Variants in ELAPOR2 observed in about 807,000 individuals in gnomAD.
The protein encoded by ELAPOR2 is endosome-lysosome associated apoptosis and autophagy regulator family member 2.
ELAPOR2 carries 89 observed loss-of-function variants against 120.7 expected under a neutral mutation model. That is an observed-to-expected ratio of 0.74 (90% confidence interval 0.62 to 0.88). ELAPOR2 has a LOEUF of 0.88. ELAPOR2 is among the 40% of genes least tolerant of loss of function. The pLI is 0.00. For missense variants in ELAPOR2, 1,134 were observed against 1,251.6 expected, an observed-to-expected ratio of 0.91 and a Z score of 1.42; for synonymous variants, 444 against 444.9, an observed-to-expected ratio of 1.00 and a Z score of 0.03.
At chr7:86,998,432 T>C (rs1583971759) in intron 1 of ELAPOR2, among the ~76,000 whole-genome samples, 1 of 152,332 alleles carries the variant, frequency 6.6e-6, no homozygotes, top group East Asian at 1.9e-4. Context: ...TTTAGCTTAA[T>C]GATGGTTATA....
Position 87,042,909 on chromosome 7 carries a change from T to C in ELAPOR2, c.189+16416A>G, listed in dbSNP as rs143786817. ...AGAGAGAGGAATCAAATAGACGCAA[T>C]AAAAAATGATAAAGGGGATATCACC... On this transcript the variant is annotated intron_variant, in intron 1 of 21. Transcript: ENST00000450689. Among the ~76,000 whole-genome samples, 541 of 151,930 alleles carry C rather than the reference T, an allele frequency of 3.6e-3. 7 individuals are homozygous for C. The East Asian group carries it at 0.048, about 14-fold the overall frequency.
chr7:86,945,034 G>A lies in ELAPOR2; in HGVS notation c.519C>T (p.Ile173=), dbSNP rs370833499. Residue 173 remains isoleucine, a synonymous_variant, in exon 4 of 22, where the codon ATC becomes ATT. Coordinates refer to ENST00000450689, the MANE Select transcript of ELAPOR2 (RefSeq NM_001142749.3). The part of the protein sequence containing the change: ...RPDGCNNSSW[I]PRGNYIESNR... ...TAGATTCTATGTAGTTTCCACGAGG[G>A]ATCCAAGAAGAGCTGTGGAAACAAA... The A allele has an allele frequency of 3.9e-6, 6 of 1,548,408 alleles. No individual in the cohort carries two copies. Among genetic ancestry groups the A allele is most frequent in the Non-Finnish European group, 5.2e-6 (6 of 1,146,122 alleles).
At chr7:87,046,087 TA>T (rs939763350) in intron 1 of ELAPOR2, among the ~76,000 whole-genome samples, 2 of 151,970 alleles carry the variant, frequency 1.3e-5, no homozygotes, top group Non-Finnish European at 2.9e-5. Context: ...TTAGGACTGA[TA>T]AAAAAAATTC....
chr7:86,995,619 C>T (rs1289176655), intron 1 of ELAPOR2, among the ~76,000 whole-genome samples: 5 of 152,154 alleles, frequency 3.3e-5, no homozygotes, highest in Admixed American at 3.3e-4. Flanking sequence ...ATTTATTTTC[C>T]TCTTTCAAGT....
At chr7:86,910,949 A>T (rs926510432) in intron 15 of ELAPOR2, among the ~76,000 whole-genome samples, 2 of 152,200 alleles carry the variant, frequency 1.3e-5, no homozygotes, top group Non-Finnish European at 2.9e-5. Flanking sequence ...TTAAATTAAA[A>T]TGTTGAAGCC....
chr7:86,899,985 G>C (rs1788641911), intron 18 of ELAPOR2, among the ~76,000 whole-genome samples: 1 of 151,618 alleles, frequency 6.6e-6, no homozygotes, highest in Admixed American at 6.6e-5. Context: ...TTAGTAAAAA[G>C]CAACTCAAAA....
rs1021431324 is a variant in ELAPOR2, at chr7:86,876,973, G to A, written c.*3498C>T. On this transcript the variant is annotated 3_prime_UTR_variant, in exon 22 of 22. Coordinates refer to ENST00000450689, the MANE Select transcript of ELAPOR2 (RefSeq NM_001142749.3). ...CCCATCCATTTACATTTTGTATGTG[G>A]TTGCTTTCATACTACAATGGCAGAG... 28 of 152,106 alleles carry A rather than the reference G, an allele frequency of 1.8e-4. No individual in the cohort carries two copies. The highest frequency in any genetic ancestry group is 6.3e-4 in the African/African-American group (26 of 41,432). The allele number at this position is 152,106 out of a possible 1,614,324, so 9.4% of individuals were successfully genotyped here.
chr7:86,977,494 T>C (rs1175894829), intron 1 of ELAPOR2, among the ~76,000 whole-genome samples: 2 of 152,192 alleles, frequency 1.3e-5, no homozygotes, highest in Admixed American at 6.5e-5. Context: ...CTCAATATCA[T>C]GTCTCTCCCT....
chr7:86,963,304 A>T (rs911004999), intron 2 of ELAPOR2, among the ~76,000 whole-genome samples: 4 of 152,222 alleles, frequency 2.6e-5, no homozygotes, highest in African/African-American at 9.6e-5. Context: ...CTCTGGCAAC[A>T]CTTAACTAAA....
chr7:86,888,444 T>A lies in ELAPOR2; in HGVS notation c.3030+3280A>T, dbSNP rs997516491. Among the ~76,000 whole-genome samples, 6 of 152,238 alleles carry A rather than the reference T, an allele frequency of 3.9e-5. No individual in the cohort carries two copies. The East Asian group carries it at 1.2e-3, about 29-fold the overall frequency. On this transcript the variant is annotated intron_variant, in intron 21 of 21. Transcript: ENST00000450689. ...GATTTTTTAGGGTCACCCTGTCACC[T>A]TCCTATGAAGAAAAATGCTCTGATG...
At chr7:86,932,662 A>T (rs1790379749) in intron 8 of ELAPOR2, among the ~76,000 whole-genome samples, 1 of 151,974 alleles carries the variant, frequency 6.6e-6, no homozygotes, top group Non-Finnish European at 1.5e-5. Flanking sequence ...CAAATGAGAA[A>T]CTTACTGTTT....
intron 1 of ELAPOR2, among the ~76,000 whole-genome samples, chr7:87,008,992 C>A (rs1175761668): frequency 6.6e-6 from 1 of 152,058 alleles, no homozygotes; most frequent in East Asian, 1.9e-4. Context: ...AACAGTTGTA[C>A]ACTGGATTTA....
chr7:86,918,452 T>A lies in ELAPOR2; in HGVS notation c.1583A>T (p.Tyr528Phe). The A allele has an allele frequency of 6.2e-7, 1 of 1,609,988 alleles. No individual in the cohort carries two copies. The highest frequency in any genetic ancestry group is 1.1e-5 in the South Asian group (1 of 90,900). ...ETLCSADCVL[Y>F]FMVDINRKST... is the part of the protein sequence containing the mutation. ...CGCCCGTCCACTTACCACCATGAAG[T>A]ACAAAACACAGTCAGCTGAACAGAG... is the stretch of plus-strand genomic sequence containing the variant. The change falls in exon 12 of 22, where the codon TAC becomes TTC. Residue 528 changes from tyrosine (Y) to phenylalanine (F), a missense_variant. Tyr to Phe is a conservative substitution (Grantham distance 22). This residue lies in a region of ELAPOR2 where 831 missense variants were observed against 867.6 expected (regional missense o/e 0.96). Coordinates refer to ENST00000450689, the MANE Select transcript of ELAPOR2 (RefSeq NM_001142749.3).
chr7:86,973,636 G>C (rs1792178773), intron 1 of ELAPOR2, among the ~76,000 whole-genome samples: 1 of 152,172 alleles, frequency 6.6e-6, no homozygotes, highest in Non-Finnish European at 1.5e-5. Flanking sequence ...CAATGGTATG[G>C]TCTATTAATA....
Position 86,893,039 on chromosome 7 carries a change from T to C in ELAPOR2, c.2747A>G (p.Lys916Arg). The change falls in exon 20 of 22, where the codon AAA (lysine) becomes AGA (arginine). Residue 916 changes from lysine (K) to arginine (R), a missense_variant. Around this residue, in one of 3 missense-constraint regions of ELAPOR2, gnomAD observed 831 missense variants for 867.6 expected, o/e 0.96. Transcript: ENST00000450689. ...AACCGTTTCACAGGTTGCCAACTTT[T>C]TCTCAGGCAAAGAAATTCCTTTAAT... ...WCIKGISLPE[K>R]KLATCETVDF... is the part of the protein sequence containing the mutation. 1 of 1,585,596 alleles carries C rather than the reference T, an allele frequency of 6.3e-7. No homozygotes were observed. The highest frequency in any genetic ancestry group is 1.2e-5 in the South Asian group (1 of 85,808).
intron 1 of ELAPOR2, among the ~76,000 whole-genome samples, chr7:87,046,522 C>T (rs1335185948): frequency 6.6e-6 from 1 of 152,202 alleles, no homozygotes; most frequent in Non-Finnish European, 1.5e-5. Context: ...TGTGTCCCCA[C>T]TCGAATCTCA....
intron 21 of ELAPOR2, among the ~76,000 whole-genome samples, chr7:86,882,447 A>C (rs1799457410): frequency 6.6e-6 from 1 of 152,212 alleles, no homozygotes; most frequent in Non-Finnish European, 1.5e-5. Flanking sequence ...TATTTAAAGT[A>C]AAACACTGAA....
chr7:87,036,424 A>C (rs1387892882), intron 1 of ELAPOR2, among the ~76,000 whole-genome samples: 5 of 152,132 alleles, frequency 3.3e-5, no homozygotes, highest in Admixed American at 1.3e-4. Context: ...GGTCAAAACT[A>C]TGTGAGCTGT....
At chr7:87,023,835 T>C (rs1794148539) in intron 1 of ELAPOR2, among the ~76,000 whole-genome samples, 1 of 152,230 alleles carries the variant, frequency 6.6e-6, no homozygotes, top group Non-Finnish European at 1.5e-5. Flanking sequence ...CAATTGTGAA[T>C]GGGAGTTTAC....
Sources: allele counts gnomAD v4.1 joint callset (sites outside exome capture counted in the v4.1 genomes callset), GRCh38; gene constraint gnomAD v4.1.1; regional missense constraint gnomAD v4.1.1; transcripts MANE v1.5; gene names NCBI Gene and HGNC (gene_info 2026-07-23, HGNC 2026-07-21).